Variants in MACROD2 observed in about 807,000 individuals in gnomAD.
MACROD2 encodes the protein ADP-ribose glycohydrolase MACROD2.
A neutral mutation model predicts 70.4 loss-of-function variants in MACROD2; 36 were observed. That is an observed-to-expected ratio of 0.51 (90% CI 0.39 to 0.68). The LOEUF (loss-of-function observed/expected upper bound fraction) is 0.68, where lower values mean the gene tolerates loss of function less well. Among genes scored for constraint, MACROD2 ranks in the 30% least tolerant of loss-of-function variants. The probability of loss-of-function intolerance (pLI) is 0.00; values close to 1 mark genes in which losing one functional copy is unlikely to be tolerated. For missense variants in MACROD2, 496 were observed against 538.4 expected, an observed-to-expected ratio of 0.92 and a Z score of 0.78; for synonymous variants, 172 against 178.8, an observed-to-expected ratio of 0.96 and a Z score of 0.30.
intron 5 of MACROD2, among the ~76,000 whole-genome samples, chr20:15,118,195 AATTT>A (rs2076005059): frequency 8.8e-6 from 1 of 113,784 alleles, no homozygotes; most frequent in African/African-American, 2.7e-5. Flanking sequence ...TTTAATTTTA[AATTT>A]TTTTTTTTTT....
At chr20:15,921,389 A>G (rs963831462) in intron 10 of MACROD2, among the ~76,000 whole-genome samples, 1 of 152,210 alleles carries the variant, frequency 6.6e-6, no homozygotes, top group South Asian at 2.1e-4. Context: ...AGCACCGGCC[A>G]TCGGCACTCC....
At chr20:15,716,814 T>C (rs986413198) in intron 8 of MACROD2, among the ~76,000 whole-genome samples, 12 of 152,250 alleles carry the variant, frequency 7.9e-5, no homozygotes, top group Admixed American at 4.6e-4. Context: ...AAAAAGAAAC[T>C]TTACATGATT....
intron 5 of MACROD2, among the ~76,000 whole-genome samples, chr20:14,854,876 TGTG>T (rs2122328870): frequency 6.6e-6 from 1 of 151,698 alleles, no homozygotes; most frequent in Non-Finnish European, 1.5e-5. Context: ...ATTAGCCGGG[TGTG>T]GTGGTGGACG....
At chr20:15,011,483 A>T (rs563258609) in intron 5 of MACROD2, among the ~76,000 whole-genome samples, 1 of 152,306 alleles carries the variant, frequency 6.6e-6, no homozygotes, top group African/African-American at 2.4e-5. Context: ...TGATATGCTC[A>T]TACCTGTGAG....
intron 8 of MACROD2, among the ~76,000 whole-genome samples, chr20:15,742,961 C>T (rs1178985859): frequency 6.6e-6 from 1 of 152,182 alleles, no homozygotes; most frequent in Non-Finnish European, 1.5e-5. Context: ...AGTGCCTTGT[C>T]AGGTCAATTG....
At chr20:14,194,324 C>G (rs948102835) in intron 3 of MACROD2, among the ~76,000 whole-genome samples, 1 of 152,094 alleles carries the variant, frequency 6.6e-6, no homozygotes, top group African/African-American at 2.4e-5. Flanking sequence ...ATGTTCCTGC[C>G]CAGCCAAGAT....
intron 1 of MACROD2, among the ~76,000 whole-genome samples, chr20:14,001,172 G>T (rs73099755): frequency 0.062 from 9,429 of 152,194 alleles, 365 homozygotes; most frequent in Non-Finnish European, 0.089. Context: ...CTCACTTCCT[G>T]AAACCTCTCT....
intron 13 of MACROD2, among the ~76,000 whole-genome samples, chr20:15,980,219 G>C (rs2066376127): frequency 6.6e-6 from 1 of 152,222 alleles, no homozygotes; most frequent in Non-Finnish European, 1.5e-5. Context: ...AGGCCAGGCA[G>C]GCCCAGGCCT....
intron 3 of MACROD2, among the ~76,000 whole-genome samples, chr20:14,294,718 A>T (rs1033580311): frequency 2.0e-5 from 3 of 151,828 alleles, no homozygotes; most frequent in African/African-American, 7.3e-5. Flanking sequence ...ATCCTTTTTT[A>T]AGAAGTATTT....
At chr20:14,681,746 A>G (rs1325988329) in intron 4 of MACROD2, among the ~76,000 whole-genome samples, 1 of 152,182 alleles carries the variant, frequency 6.6e-6, no homozygotes, top group African/African-American at 2.4e-5. Flanking sequence ...TGTACATTAT[A>G]AGTCATAAAT....
intron 4 of MACROD2, among the ~76,000 whole-genome samples, chr20:14,516,889 A>G (rs1472520269): frequency 1.3e-5 from 2 of 152,212 alleles, no homozygotes; most frequent in Admixed American, 6.5e-5. Context: ...ATATGAATGG[A>G]CACTTCTCAA....
intron 15 of MACROD2, among the ~76,000 whole-genome samples, chr20:16,028,385 A>ATTTT (rs11483358): frequency 0.011 from 1,595 of 146,570 alleles, 10 homozygotes; most frequent in African/African-American, 0.02. Flanking sequence ...CCTGGTGGAC[A>ATTTT]TTTTTTTTTT....
At chr20:14,474,940 A>C (rs1399140134) in intron 3 of MACROD2, among the ~76,000 whole-genome samples, 1 of 152,100 alleles carries the variant, frequency 6.6e-6, no homozygotes, top group African/African-American at 2.4e-5. Context: ...TGCAGAATTT[A>C]ATCCATTTAT....
chr20:15,911,089 T>C (rs901170918), intron 10 of MACROD2, among the ~76,000 whole-genome samples: 16 of 152,202 alleles, frequency 1.1e-4, no homozygotes, highest in African/African-American at 3.6e-4. Flanking sequence ...TTGTCTCCGA[T>C]TGGCTAGACT....
intron 12 of MACROD2, among the ~76,000 whole-genome samples, chr20:15,949,508 C>A (rs76817553): frequency 1.3e-5 from 2 of 152,102 alleles, no homozygotes; most frequent in African/African-American, 4.8e-5. Flanking sequence ...CACCATAGGG[C>A]GTGCACCAGT....
chr20:14,190,454 A>G (rs977014625), intron 3 of MACROD2, among the ~76,000 whole-genome samples: 1 of 151,592 alleles, frequency 6.6e-6, no homozygotes, highest in African/African-American at 2.4e-5. Context: ...CCATGCTAAC[A>G]TGGGATAACA....
intron 3 of MACROD2, among the ~76,000 whole-genome samples, chr20:14,112,218 G>T (rs1331528855): frequency 1.3e-5 from 2 of 151,936 alleles, no homozygotes; most frequent in Non-Finnish European, 2.9e-5. Context: ...GCTGGGAAGG[G>T]TAGTGGGGGG....
intron 5 of MACROD2, among the ~76,000 whole-genome samples, chr20:15,173,417 A>T (rs947226041): frequency 1.3e-5 from 2 of 152,196 alleles, no homozygotes; most frequent in Non-Finnish European, 2.9e-5. Context: ...TCAAAGTGAT[A>T]GGATTTTTTT....
At chr20:15,865,367 ATAAT>A (rs989934495) in intron 9 of MACROD2, among the ~76,000 whole-genome samples, 42 of 150,720 alleles carry the variant, frequency 2.8e-4, no homozygotes, top group African/African-American at 6.5e-4. Context: ...AATAATAATC[ATAAT>A]TAATATATTT....
Sources: allele counts gnomAD v4.1 joint callset (sites outside exome capture counted in the v4.1 genomes callset), GRCh38; gene constraint gnomAD v4.1.1; transcripts MANE v1.5; gene names NCBI Gene and HGNC (gene_info 2026-07-23, HGNC 2026-07-21).